MOSMO: variants seen among roughly 807,000 people sequenced by gnomAD.
MOSMO encodes the protein modulator of smoothened, also known as modulator of smoothened protein.
A neutral mutation model predicts 18.4 loss-of-function variants in MOSMO; 5 were observed. That is an observed-to-expected ratio of 0.27 (90% confidence interval 0.14 to 0.57). The LOEUF (loss-of-function observed/expected upper bound fraction) is 0.57, where lower values mean the gene tolerates loss of function less well. Ranked by LOEUF, MOSMO falls within the 20% of genes least tolerant of loss-of-function variation. The probability of loss-of-function intolerance (pLI) is 0.92; values close to 1 mark genes in which losing one functional copy is unlikely to be tolerated. For missense variants in MOSMO, 138 were observed against 211.8 expected (o/e 0.65, Z 2.16); for synonymous variants, 82 against 82.3 (o/e 1.00, Z 0.02).
intron 1 of MOSMO, among the ~76,000 whole-genome samples, chr16:22,010,214 TCTG>T (rs1224089597): frequency 1.3e-5 from 2 of 152,200 alleles, no homozygotes; most frequent in Non-Finnish European, 2.9e-5. Flanking sequence ...CTCTAAAAAT[TCTG>T]CTACTTTTCT....
chr16:22,028,508 A>G (rs1185873954), intron 1 of MOSMO, among the ~76,000 whole-genome samples: 1 of 152,048 alleles, frequency 6.6e-6, no homozygotes, highest in African/African-American at 2.4e-5. Context: ...AGCTCTTTTC[A>G]TCTTGCAAAA....
chr16:22,019,219 A>C (rs932562147), intron 1 of MOSMO, among the ~76,000 whole-genome samples: 4 of 152,168 alleles, frequency 2.6e-5, no homozygotes, highest in Non-Finnish European at 5.9e-5. Context: ...TCCAACTTAT[A>C]ATACTTTCTG....
chr16:22,037,140 C>T (rs1052919188), intron 1 of MOSMO, among the ~76,000 whole-genome samples: 1 of 152,092 alleles, frequency 6.6e-6, no homozygotes. Flanking sequence ...CATGTTGGCT[C>T]GTGCCTATAG....
At chr16:22,016,309 A>G (rs904148451) in intron 1 of MOSMO, among the ~76,000 whole-genome samples, 2 of 152,232 alleles carry the variant, frequency 1.3e-5, no homozygotes, top group Non-Finnish European at 2.9e-5. Flanking sequence ...AGATTAGCAC[A>G]TTGTCCGATA....
downstream of MOSMO, among the ~76,000 whole-genome samples, chr16:22,091,643 A>C (rs1468378837): frequency 6.6e-6 from 1 of 152,178 alleles, no homozygotes; most frequent in Non-Finnish European, 1.5e-5. Flanking sequence ...CTCCCGCCTC[A>C]GCCTCCCAAA....
chr16:22,032,455 G>C (rs1296819036), intron 1 of MOSMO, among the ~76,000 whole-genome samples: 1 of 152,162 alleles, frequency 6.6e-6, no homozygotes, highest in Non-Finnish European at 1.5e-5. Flanking sequence ...GCCTCCCAAA[G>C]TGCTGGAATT....
At chr16:22,069,246 G>A (rs2141770919) in intron 1 of MOSMO, among the ~76,000 whole-genome samples, 1 of 152,320 alleles carries the variant, frequency 6.6e-6, no homozygotes, top group Middle Eastern at 3.4e-3. Flanking sequence ...ATTGTAGGCA[G>A]AGGGAACAGC....
intron 1 of MOSMO, among the ~76,000 whole-genome samples, chr16:22,047,558 T>C (rs1285988631): frequency 6.6e-6 from 1 of 152,180 alleles, no homozygotes; most frequent in Non-Finnish European, 1.5e-5. Flanking sequence ...CACCATAATT[T>C]AACCATTCCT....
At chr16:22,074,991 A>G (rs971862445) in intron 1 of MOSMO, among the ~76,000 whole-genome samples, 3 of 152,138 alleles carry the variant, frequency 2.0e-5, no homozygotes, top group African/African-American at 4.8e-5. Context: ...TCTATTATTT[A>G]ATTTTATTTC....
At chr16:22,038,076 A>T (rs955729162) in intron 1 of MOSMO, among the ~76,000 whole-genome samples, 2 of 152,192 alleles carry the variant, frequency 1.3e-5, no homozygotes, top group African/African-American at 4.8e-5. Context: ...GCTGCCAGCC[A>T]CCAGCCATCT....
intron 1 of MOSMO, among the ~76,000 whole-genome samples, chr16:22,034,034 C>T (rs965342670): frequency 1.3e-5 from 2 of 152,150 alleles, no homozygotes; most frequent in South Asian, 2.1e-4. Context: ...CTGTAAGTCA[C>T]GGACCACGGG....
intron 1 of MOSMO, among the ~76,000 whole-genome samples, chr16:22,067,517 CA>C (rs1900769946): frequency 2.0e-5 from 3 of 152,112 alleles, no homozygotes; most frequent in Admixed American, 2.0e-4. Context: ...GACTTCTCAT[CA>C]AAAACTATTA....
chr16:22,031,101 G>A (rs1228759878), intron 1 of MOSMO, among the ~76,000 whole-genome samples: 3 of 152,134 alleles, frequency 2.0e-5, no homozygotes, highest in Non-Finnish European at 4.4e-5. Context: ...GGTTAGAAAC[G>A]ACTACATAGA....
At chr16:22,032,552 T>C (rs1900017722) in intron 1 of MOSMO, among the ~76,000 whole-genome samples, 1 of 152,148 alleles carries the variant, frequency 6.6e-6, no homozygotes. Context: ...AGTTCTCTTT[T>C]CTTTTGTTTT....
intron 2 of MOSMO, among the ~76,000 whole-genome samples, chr16:22,078,390 T>C (rs1901014365): frequency 6.6e-6 from 1 of 152,236 alleles, no homozygotes; most frequent in African/African-American, 2.4e-5. Flanking sequence ...ATAGAGAACC[T>C]GCTTCCTTGG....
chr16:22,028,012 A>G (rs894137025), intron 1 of MOSMO, among the ~76,000 whole-genome samples: 1 of 152,172 alleles, frequency 6.6e-6, no homozygotes, highest in Non-Finnish European at 1.5e-5. Flanking sequence ...TTAGATTTAT[A>G]TAGTTCAAAT....
chr16:22,044,141 C>T (rs1012874452), intron 1 of MOSMO, among the ~76,000 whole-genome samples: 5 of 152,084 alleles, frequency 3.3e-5, no homozygotes, highest in East Asian at 1.9e-4. Flanking sequence ...TCCCACAACC[C>T]GTGGGAATTA....
chr16:22,074,160 C>A (rs1030959574), intron 1 of MOSMO, among the ~76,000 whole-genome samples: 19 of 152,246 alleles, frequency 1.2e-4, no homozygotes, highest in African/African-American at 4.6e-4. Context: ...CCCACCAGGG[C>A]AGCTTCCCAA....
At chr16:22,034,744 GTTTTTTTTTTT>G (rs890874059) in intron 1 of MOSMO, among the ~76,000 whole-genome samples, 3 of 55,468 alleles carry the variant, frequency 5.4e-5, no homozygotes, top group Non-Finnish European at 9.7e-5. Context: ...GTTTTTTTGG[GTTTTTTTTTTT>G]TTTTTTTTTT....
Sources: allele counts gnomAD v4.1 joint callset (sites outside exome capture counted in the v4.1 genomes callset), GRCh38; gene constraint gnomAD v4.1.1; transcripts MANE v1.5; gene names NCBI Gene and HGNC (gene_info 2026-07-23, HGNC 2026-07-21).